SEMA4F: variants seen among roughly 807,000 people sequenced by gnomAD.
SEMA4F encodes the protein semaphorin-4F.
Under a neutral mutation model 78.4 loss-of-function variants are expected in SEMA4F, and 51 were observed. That is an observed-to-expected ratio of 0.65 (90% CI 0.52 to 0.82). The LOEUF is 0.82. Among genes scored for constraint, SEMA4F ranks in the 40% least tolerant of loss-of-function variants. The probability of loss-of-function intolerance (pLI) is 0.00; values close to 1 mark genes in which losing one functional copy is unlikely to be tolerated. For synonymous variants in SEMA4F, 418 were observed against 408.7 expected (o/e 1.02, Z -0.27); for missense variants, 938 against 1,014.4 (o/e 0.92, Z 1.02).
intron 4 of SEMA4F, among the ~76,000 whole-genome samples, chr2:74,662,506 G>A (rs1684478810): frequency 6.6e-6 from 1 of 152,152 alleles, no homozygotes; most frequent in Non-Finnish European, 1.5e-5. Context: ...GGAATTGAGG[G>A]AAGAGGAATA....
chr2:74,694,925 G>A, the SEMA4F span, among the ~76,000 whole-genome samples: 12,396 of 152,134 alleles, frequency 0.081, 1,720 homozygotes, highest in African/African-American at 0.28. Flanking sequence ...TTATCCACTC[G>A]CCTCCTAAAG....
Position 74,674,930 on chromosome 2 carries a change from A to G in SEMA4F, c.1044A>G (p.Gln348=). The G allele has an allele frequency of 6.2e-7, 1 of 1,613,892 alleles. No homozygotes were observed. Among genetic ancestry groups the G allele is most frequent in the Non-Finnish European group, 8.5e-7 (1 of 1,179,956 alleles). The change falls in exon 9 of 14, where the codon CAA becomes CAG. Residue 348 remains glutamine, a synonymous_variant. Transcript: ENST00000357877. The stretch of plus-strand genomic sequence containing the variant: ...CTGCTGTCTGTGCCTTCCGACCACA[A>G]GACATTCGGACAGTGCTGAATGGTC... The part of the protein sequence containing the change: ...TISAVCAFRP[Q]DIRTVLNGPF...
chr2:74,675,428 A>G (rs1165665386), intron 10 of SEMA4F, 44 bp downstream of exon 10: 2 of 1,598,862 alleles, frequency 1.3e-6, no homozygotes, highest in African/African-American at 1.3e-5. Flanking sequence ...GTGCATACAC[A>G]TTCTCGTCAC....
At chr2:74,685,318 G>C (rs1352551197), downstream of SEMA4F, among the ~76,000 whole-genome samples, 1 of 152,148 alleles carries the variant, frequency 6.6e-6, no homozygotes. Flanking sequence ...CCCCAGGATT[G>C]CAAGAAGGGC....
chr2:74,667,603 T>C (rs1050719878), intron 5 of SEMA4F, among the ~76,000 whole-genome samples: 2 of 152,250 alleles, frequency 1.3e-5, no homozygotes, highest in African/African-American at 4.8e-5. Context: ...TATTTTCAAA[T>C]ACGAAGTTTA....
chr2:74,675,047 G>A lies in SEMA4F; in HGVS notation c.1149+12G>A, dbSNP rs1685193846. The A allele has an allele frequency of 1.2e-6, 2 of 1,613,974 alleles. No homozygotes were observed. Among genetic ancestry groups the A allele is most frequent in the Non-Finnish European group, 1.7e-6 (2 of 1,180,018 alleles). On this transcript the variant is annotated intron_variant, in intron 9 of 13. Coordinates refer to ENST00000357877, the MANE Select transcript of SEMA4F (RefSeq NM_004263.5). ...CCAGACCTGGAGAGGTGAGGGGGCA[G>A]ATCTTCATTCTAGGCCTGAAGTCAA... is the stretch of plus-strand genomic sequence containing the variant.
rs765462218 is a variant in SEMA4F, at chr2:74,679,804, C to T, written c.1908C>T (p.Ala636=). The T allele has an allele frequency of 4.3e-6, 7 of 1,614,156 alleles. No homozygotes were observed. The highest frequency in any genetic ancestry group is 1.1e-5 in the South Asian group (1 of 91,090). Residue 636 remains alanine, a synonymous_variant, in exon 14 of 14, where the codon GCC becomes GCT. Coordinates refer to ENST00000357877, the MANE Select transcript of SEMA4F (RefSeq NM_004263.5). ...GTGAATGTCAGGAGGGTGGGGCAGC[C>T]CATGTGGTAGCAGCTTACAGCTTGG... The part of the protein sequence containing the change: ...YACECQEGGA[A]HVVAAYSLVW...
At chr2:74,665,228 C>CTTTTTTT (rs11348861) in intron 5 of SEMA4F, among the ~76,000 whole-genome samples, 2 of 128,690 alleles carry the variant, frequency 1.6e-5, no homozygotes, top group Admixed American at 7.9e-5. Context: ...CACTCTTTTT[C>CTTTTTTT]TTTTTTTTTT....
chr2:74,671,469 C>T (rs1463872559), intron 5 of SEMA4F, among the ~76,000 whole-genome samples: 1 of 152,252 alleles, frequency 6.6e-6, no homozygotes, highest in Non-Finnish European at 1.5e-5. Flanking sequence ...CATGCACCCG[C>T]TTCCAGCACA....
the SEMA4F span, among the ~76,000 whole-genome samples, chr2:74,707,246 TG>T: frequency 2.0e-5 from 3 of 152,310 alleles, no homozygotes; most frequent in East Asian, 5.8e-4. Flanking sequence ...AAAAGATCCT[TG>T]TTCTTAAAAG....
At chr2:74,701,587 TC>T in the SEMA4F span, among the ~76,000 whole-genome samples, 673 of 152,264 alleles carry the variant, frequency 4.4e-3, 5 homozygotes, top group African/African-American at 0.016. Context: ...GCTCCGTGAG[TC>T]CCTCCCCCAA....
rs540687209 is a variant in SEMA4F, at chr2:74,656,347, T to C, written c.146-187T>C. ...TTATAGAAAAAGCATACTTACCCAC[T>C]GGATTGTGTGCTAAATATTCTGGCC... On this transcript the variant is annotated intron_variant, in intron 1 of 13. Coordinates refer to ENST00000357877, the MANE Select transcript of SEMA4F (RefSeq NM_004263.5). 9.2e-5 allele frequency among the ~76,000 whole-genome samples: 14 copies of C among 152,312 alleles called. No individual in the cohort carries two copies. The South Asian group carries it at 2.9e-3, about 32-fold the overall frequency.
chr2:74,685,221 T>C (rs1685794338), downstream of SEMA4F, among the ~76,000 whole-genome samples: 1 of 152,116 alleles, frequency 6.6e-6, no homozygotes, highest in Non-Finnish European at 1.5e-5. Context: ...GAAGGGCTGT[T>C]GAATTAGAGA....
rs1410892675 is a variant in SEMA4F, at chr2:74,683,780, T to C, written c.*3571T>C. ...CCCTGAAGATGGCTGAGATCAAATA[T>C]CTCATCAGATGACTGGATGCTTAGA... On this transcript the variant is annotated 3_prime_UTR_variant, in exon 14 of 14. Coordinates refer to ENST00000357877, the MANE Select transcript of SEMA4F (RefSeq NM_004263.5). 1 of 152,252 alleles carries C rather than the reference T, an allele frequency of 6.6e-6. No homozygotes were observed. Among genetic ancestry groups the C allele is most frequent in the East Asian group, 1.9e-4 (1 of 5,182 alleles). The allele number at this position is 152,252 out of a possible 1,614,324, so 9.4% of individuals were successfully genotyped here.
chr2:74,668,980 G>A (rs1423839659), intron 5 of SEMA4F, among the ~76,000 whole-genome samples: 1 of 151,132 alleles, frequency 6.6e-6, no homozygotes, highest in African/African-American at 2.4e-5. Context: ...AATGTACAAG[G>A]CTAGGTGTGG....
At chr2:74,696,185 C>CTTTTTTTTT in the SEMA4F span, among the ~76,000 whole-genome samples, 1 of 109,016 alleles carries the variant, frequency 9.2e-6, no homozygotes, top group African/African-American at 3.7e-5. Context: ...TCTCCTGCCT[C>CTTTTTTTTT]TTTTTTTTTT....
chr2:74,708,882 T>C, the SEMA4F span, among the ~76,000 whole-genome samples: 1 of 152,140 alleles, frequency 6.6e-6, no homozygotes, highest in East Asian at 1.9e-4. Context: ...AGGAGCCAAA[T>C]AGGCTGGGTG....
the SEMA4F span, among the ~76,000 whole-genome samples, chr2:74,708,775 A>G: frequency 6.6e-6 from 1 of 152,372 alleles, no homozygotes; most frequent in East Asian, 1.9e-4. Flanking sequence ...AAAATTTTAA[A>G]GAAACCATTA....
chr2:74,665,376 C>T (rs1172928509), intron 5 of SEMA4F, among the ~76,000 whole-genome samples: 3 of 151,666 alleles, frequency 2.0e-5, no homozygotes, highest in Admixed American at 6.6e-5. Context: ...ACTACAGGCG[C>T]GTGTCACCAT....
Sources: gnomAD v4.1 joint callset for allele counts (sites outside exome capture counted in the v4.1 genomes callset) on GRCh38, gnomAD v4.1.1 for gene constraint, MANE v1.5 for transcripts, NCBI Gene and HGNC (gene_info 2026-07-23, HGNC 2026-07-21) for gene names.